The following CALD1 variants were observed in gnomAD, a reference collection of about 807,000 sequenced individuals.
CALD1 encodes caldesmon.
CALD1 carries 33 observed loss-of-function variants against 99.9 expected under a neutral mutation model. That is an observed-to-expected ratio of 0.33 (90% CI 0.25 to 0.44). The LOEUF (loss-of-function observed/expected upper bound fraction) is 0.44. Ranked by LOEUF, CALD1 falls within the 20% of genes least tolerant of loss-of-function variation. The pLI is 1.00. For missense variants in CALD1, 861 were observed against 962.1 expected (o/e 0.89, Z 1.39); for synonymous variants, 310 against 325.0 (o/e 0.95, Z 0.50).
intron 3 of CALD1, among the ~76,000 whole-genome samples, chr7:134,916,767 G>A (rs1804236729): frequency 6.6e-6 from 1 of 152,190 alleles, no homozygotes; most frequent in Admixed American, 6.5e-5. Context: ...CGATGTGATA[G>A]TGGTACCATA....
chr7:134,753,543 G>A (rs1301458817), intron 1 of CALD1, among the ~76,000 whole-genome samples: 1 of 152,200 alleles, frequency 6.6e-6, no homozygotes, highest in Admixed American at 6.5e-5. Flanking sequence ...AGACTGGGAT[G>A]CAGCCTAGGC....
At chr7:134,891,625 T>A in intron 3 of CALD1, 1 of 1,609,514 alleles carries the variant, frequency 6.2e-7, no homozygotes, top group Non-Finnish European at 8.5e-7. Context: ...GCGGACATGC[T>A]GGGTGGATCC....
rs140817537 is a variant in CALD1, at chr7:134,771,214, G to A, written c.-130+26851G>A. Among the ~76,000 whole-genome samples, 226 of 152,224 alleles carry A rather than the reference G, an allele frequency of 1.5e-3. 2 individuals are homozygous for A. The highest frequency in any genetic ancestry group is 2.1e-3 in the Admixed American group (32 of 15,294). ...GTTTTAAATCCTATCTAAAAACTGA[G>A]GATTTGCAAATGTGCATCTCAAGCC... On this transcript the variant is annotated intron_variant, in intron 1 of 13. Coordinates refer to the CALD1 transcript ENST00000417172.
At chr7:134,780,989 TTAAA>T (rs1361715238) in intron 1 of CALD1, among the ~76,000 whole-genome samples, 2 of 152,214 alleles carry the variant, frequency 1.3e-5, no homozygotes, top group Non-Finnish European at 2.9e-5. Flanking sequence ...TTGAGATTCA[TTAAA>T]TAAAGTTTTC....
intron 1 of CALD1, among the ~76,000 whole-genome samples, chr7:134,834,334 G>C (rs1700469775): frequency 2.0e-5 from 3 of 152,224 alleles, no homozygotes; most frequent in African/African-American, 7.2e-5. Context: ...TTTAGCCCAT[G>C]ATGGCAGTTA....
intron 8 of CALD1, among the ~76,000 whole-genome samples, chr7:134,949,815 G>A (rs1807194270): frequency 6.6e-6 from 1 of 151,830 alleles, no homozygotes; most frequent in Non-Finnish European, 1.5e-5. Context: ...AGCCAGGGGT[G>A]TCCAATCTTT....
intron 1 of CALD1, among the ~76,000 whole-genome samples, chr7:134,819,162 G>A (rs1798674091): frequency 6.6e-6 from 1 of 152,128 alleles, no homozygotes; most frequent in African/African-American, 2.4e-5. Context: ...AAAAAGGCCT[G>A]GAGTTGTAGA....
intron 1 of CALD1, among the ~76,000 whole-genome samples, chr7:134,821,533 T>A (rs1798773276): frequency 2.0e-5 from 3 of 152,088 alleles, no homozygotes; most frequent in Admixed American, 2.0e-4. Context: ...GTGATTTTTT[T>A]TAATGTTCTT....
At chr7:134,960,252 G>T in intron 12 of CALD1, 141 bp downstream of exon 12, 1 of 958,980 alleles carries the variant, frequency 1.0e-6, no homozygotes. Context: ...GACCACAAAA[G>T]CAAGCTCAGA....
intron 2 of CALD1, among the ~76,000 whole-genome samples, chr7:134,865,044 G>A (rs1375544264): frequency 6.6e-6 from 1 of 151,998 alleles, no homozygotes; most frequent in African/African-American, 2.4e-5. Context: ...ACCCTGTCTT[G>A]ACTTTTCATC....
intron 1 of CALD1, among the ~76,000 whole-genome samples, chr7:134,763,658 G>A (rs753387551): frequency 3.9e-5 from 6 of 152,232 alleles, no homozygotes; most frequent in East Asian, 1.9e-4. Flanking sequence ...AATGGCTCAC[G>A]TCTGTAATCC....
intron 1 of CALD1, among the ~76,000 whole-genome samples, chr7:134,816,405 T>A (rs1798566783): frequency 6.6e-6 from 1 of 152,182 alleles, no homozygotes; most frequent in Non-Finnish European, 1.5e-5. Flanking sequence ...ACTTATTAAT[T>A]TTCACATGCT....
chr7:134,968,774 G>A lies in CALD1; in HGVS notation c.*429G>A. 4.5e-6 allele frequency: 1 copy of A among 223,732 alleles called. No individual in the cohort carries two copies. Among genetic ancestry groups the A allele is most frequent in the Admixed American group, 4.8e-5 (1 of 20,954 alleles). 13.9% of individuals were successfully genotyped at this position (223,732 alleles called of 1,614,324 possible). Reference sequence around the variant, plus strand: ...GTTTCTGCACTTTATAATAAAGCATGGAAGAAATTATCTTAGTAGGCAATT... The same window carrying A: ...GTTTCTGCACTTTATAATAAAGCATAGAAGAAATTATCTTAGTAGGCAATT... On this transcript the variant is annotated 3_prime_UTR_variant, in exon 15 of 15. Coordinates refer to ENST00000361675, the MANE Select transcript of CALD1 (RefSeq NM_033138.4).
intron 1 of CALD1, among the ~76,000 whole-genome samples, chr7:134,764,517 A>G (rs1319596446): frequency 6.6e-6 from 1 of 152,192 alleles, no homozygotes; most frequent in Non-Finnish European, 1.5e-5. Context: ...CACTCAAGAA[A>G]TATTTGTCAA....
At chr7:134,894,138 T>G (rs1271656351) in intron 3 of CALD1, among the ~76,000 whole-genome samples, 1 of 152,154 alleles carries the variant, frequency 6.6e-6, no homozygotes, top group Admixed American at 6.5e-5. Flanking sequence ...AATGTCCTTG[T>G]GGACAAAATA....
At chr7:134,943,437 G>A (rs1428722919) in intron 7 of CALD1, among the ~76,000 whole-genome samples, 4 of 152,164 alleles carry the variant, frequency 2.6e-5, no homozygotes, top group African/African-American at 9.7e-5. Flanking sequence ...AGCTGCTTAT[G>A]TGTGATTTAA....
chr7:134,884,634 CAA>C (rs11449787), intron 3 of CALD1, among the ~76,000 whole-genome samples: 16 of 144,528 alleles, frequency 1.1e-4, no homozygotes, highest in African/African-American at 2.5e-4. Flanking sequence ...ATGAATACTC[CAA>C]AAAAAAAAAA....
intron 3 of CALD1, among the ~76,000 whole-genome samples, chr7:134,869,271 G>T (rs1365761708): frequency 6.6e-6 from 1 of 152,178 alleles, no homozygotes; most frequent in Non-Finnish European, 1.5e-5. Flanking sequence ...CCTGGTGCAA[G>T]AAACCTGTTG....
chr7:134,831,659 T>C (rs1799227014), intron 1 of CALD1, among the ~76,000 whole-genome samples: 1 of 152,176 alleles, frequency 6.6e-6, no homozygotes, highest in South Asian at 2.1e-4. Context: ...AATGCATATT[T>C]GTATACTTTC....
Sources: gnomAD v4.1 joint callset for allele counts (sites outside exome capture counted in the v4.1 genomes callset) on GRCh38, gnomAD v4.1.1 for gene constraint, MANE v1.5 for transcripts, NCBI Gene and HGNC (gene_info 2026-07-23, HGNC 2026-07-21) for gene names.